KIFC2: variants seen among roughly 807,000 people sequenced by gnomAD.
The protein encoded by KIFC2 is kinesin-like protein KIFC2.
KIFC2 carries 94 observed loss-of-function variants against 91.5 expected under a neutral mutation model. That is an observed-to-expected ratio of 1.03 (90% CI 0.87 to 1.22). The LOEUF (loss-of-function observed/expected upper bound fraction) is 1.22, where lower values mean the gene tolerates loss of function less well. Ranked by LOEUF, KIFC2 falls within the 50% of genes most tolerant of loss-of-function variation. KIFC2 has a pLI of 0.00. For missense variants in KIFC2, 1,357 were observed against 1,103.3 expected (o/e 1.23, Z -3.26); for synonymous variants, 729 against 503.9 (o/e 1.45, Z -5.98).
chr8:144,474,165 G>A lies in KIFC2; in HGVS notation c.*776G>A, dbSNP rs980308408. The A allele has an allele frequency of 8.2e-6, 10 of 1,220,856 alleles. No homozygotes were observed. Among genetic ancestry groups the A allele is most frequent in the African/African-American group, 3.0e-5 (2 of 65,830 alleles). The allele number at this position is 1,220,856 out of a possible 1,614,324, so 75.6% of individuals were successfully genotyped here. A position where few individuals can be genotyped will look rare whatever the true frequency, so the allele number is the denominator to read the frequency against. On this transcript the variant is annotated 3_prime_UTR_variant, in exon 18 of 18. Coordinates refer to ENST00000645548, the MANE Select transcript of KIFC2 (RefSeq NM_001369769.2). Reference sequence around the variant, plus strand: ...GAGGCTGCTGTGGTCGCAGACAGCCGCCTCGCCTTGGCTCCCTGTCAACAA... The same window carrying A: ...GAGGCTGCTGTGGTCGCAGACAGCCACCTCGCCTTGGCTCCCTGTCAACAA...
intron 10 of KIFC2, 56 bp from the exon 11 acceptor site, chr8:144,469,215 C>T (rs530519324): frequency 1.4e-6 from 2 of 1,416,800 alleles, no homozygotes; most frequent in African/African-American, 1.4e-5. Flanking sequence ...TCCCACCCCC[C>T]ACCTCCGCAG....
Position 144,468,289 on chromosome 8 carries a change from G to A in KIFC2, c.811-40G>A, listed in dbSNP as rs116626602. The A allele has an allele frequency of 9.6e-4, 1,476 of 1,541,686 alleles. 8 individuals are homozygous for A. In the African/African-American group the frequency reaches 0.016, roughly 17 times the overall value. ...CATCTGTGAAATGGTACCACAGACC[G>A]TCCCTCTCTGAGTCCCTCCTGGCCC... On this transcript the variant is annotated intron_variant, in intron 7 of 17. Transcript: ENST00000645548.
rs773176205 is a variant in KIFC2 at position 144,473,338 on chromosome 8, C to T, written c.2325C>T (p.Pro775=). The change falls in exon 18 of 18, where the codon CCC becomes CCT. Residue 775 remains proline, a synonymous_variant. Transcript: ENST00000645548. ...CTGGCAGTCCTCCATGCCCCAGTCC[C>T]GACAACGGCTCGGGCTCGGCTCTCG... The part of the protein sequence containing the change: ...PSPGSPPCPS[P]DNGSGSALAP... 87 of 1,597,624 alleles carry T rather than the reference C, an allele frequency of 5.4e-5. No individual in the cohort carries two copies. Among genetic ancestry groups the T allele is most frequent in the Non-Finnish European group, 6.8e-5 (80 of 1,173,954 alleles).
At chr8:144,468,688 G>GGCT in intron 9 of KIFC2, 37 bp from the exon 10 acceptor site, 2 of 1,612,508 alleles carry the variant, frequency 1.2e-6, no homozygotes, top group Non-Finnish European at 1.7e-6. Flanking sequence ...AGGCCCTGGA[G>GGCT]GCTGGGCCTT....
chr8:144,467,712 A>G lies in KIFC2; in HGVS notation c.616-2A>G, dbSNP rs573409958. 14 of 1,613,780 alleles carry G rather than the reference A, an allele frequency of 8.7e-6. No homozygotes were observed. The South Asian group carries it at 1.3e-4, about 15-fold the overall frequency. On this transcript the variant is annotated splice_acceptor_variant, in intron 5 of 17. Coordinates refer to ENST00000645548, the MANE Select transcript of KIFC2 (RefSeq NM_001369769.2). LOFTEE classifies it high-confidence loss of function. ...CACCCTGTCTCTCTTACTTCTCCCC[A>G]GCTGGAGGAGCTGAAGCAGCAGCTG...
Position 144,472,712 on chromosome 8 carries a change from A to G in KIFC2, c.1861+6A>G. 1.3e-6 allele frequency: 2 copies of G among 1,593,408 alleles called. No individual in the cohort carries two copies. The highest frequency in any genetic ancestry group is 1.1e-5 in the South Asian group (1 of 90,768). On this transcript the variant is annotated splice_donor_region_variant and intron_variant, in intron 16 of 17. Transcript: ENST00000645548. ...GCGCGCTCCAGGCACCGCAGGTACC[A>G]CGGCCGGTGCCTGAGCCCTGCGGAG...
At position 144,467,033 on chromosome 8, in the gene KIFC2, C is replaced by T. The variant is rs771696200; in HGVS notation, c.253C>T (p.Leu85=). 5.0e-6 allele frequency: 8 copies of T among 1,594,530 alleles called. No homozygotes were observed. The Admixed American group carries it at 5.2e-5, about 10-fold the overall frequency. Residue 85 remains leucine (L), a synonymous_variant, in exon 3 of 18, where the codon CTA becomes TTA. Coordinates refer to ENST00000645548, the MANE Select transcript of KIFC2 (RefSeq NM_001369769.2). ...GGCCGCGGTGTCCCTGGAAGAGGCC[C>T]TACTGCGCCTCGCCGAGTTCCTCTC... ...RAAAVSLEEA[L]LRLAEFLSVQ...
chr8:144,467,375 T>G, intron 4 of KIFC2, 34 bp downstream of exon 4: 2 of 1,567,232 alleles, frequency 1.3e-6, no homozygotes, highest in East Asian at 2.2e-5. Flanking sequence ...AGAAGAACTC[T>G]GGAGGGAGCA....
chr8:144,468,708 C>A lies in KIFC2; in HGVS notation c.1004-17C>A. On this transcript the variant is annotated splice_polypyrimidine_tract_variant and intron_variant, in intron 9 of 17. Transcript: ENST00000645548. Reference sequence around the variant, plus strand: ...CTGGAGGCTGGGCCTTCCCTTCCAACAGACTTCCCTCTCCAGGACTTCGGG... The same window carrying A: ...CTGGAGGCTGGGCCTTCCCTTCCAAAAGACTTCCCTCTCCAGGACTTCGGG... 1 of 1,613,878 alleles carries A rather than the reference C, an allele frequency of 6.2e-7. No homozygotes were observed. Among genetic ancestry groups the A allele is most frequent in the Non-Finnish European group, 8.5e-7 (1 of 1,179,866 alleles).
In KIFC2 at chr8:144,473,450, G is replaced by T. The variant is rs1264739869; in HGVS notation, c.*61G>T. 4 of 1,515,822 alleles carry T rather than the reference G, an allele frequency of 2.6e-6. No homozygotes were observed. The highest frequency in any genetic ancestry group is 2.0e-5 in the Admixed American group (1 of 48,972). The allele number at this position is 1,515,822 out of a possible 1,614,324, so 93.9% of individuals were successfully genotyped here. A position where few individuals can be genotyped will look rare whatever the true frequency, so the allele number is the denominator to read the frequency against. The stretch of plus-strand genomic sequence containing the variant: ...CAGGTCTCTGCTGGCAGAGGCGGTA[G>T]TAAAGTCCCTGTACCCCGTCTCCCA... On this transcript the variant is annotated 3_prime_UTR_variant, in exon 18 of 18. Coordinates refer to ENST00000645548, the MANE Select transcript of KIFC2 (RefSeq NM_001369769.2).
chr8:144,467,796 A>G lies in KIFC2; in HGVS notation c.681+17A>G, dbSNP rs745970670. 2.5e-6 allele frequency: 4 copies of G among 1,613,314 alleles called. No individual in the cohort carries two copies. The highest frequency in any genetic ancestry group is 2.7e-5 in the African/African-American group (2 of 74,894). ...CTGGGCGTGGTGAGGCTGCAGGGAG[A>G]CCTGGCAGGGCCGGGCATGGAGGGG... On this transcript the variant is annotated intron_variant, in intron 6 of 17. Transcript: ENST00000645548.
At chr8:144,468,128 G>A (rs1482482635) in intron 7 of KIFC2, 141 bp downstream of exon 7, 6 of 1,184,344 alleles carry the variant, frequency 5.1e-6, no homozygotes, top group Non-Finnish European at 6.9e-6. Flanking sequence ...TGATGCCAAT[G>A]GGAAGACCCC....
intron 4 of KIFC2, 34 bp from the exon 5 acceptor site, chr8:144,467,451 C>A: frequency 6.5e-7 from 1 of 1,540,480 alleles, no homozygotes; most frequent in Non-Finnish European, 8.7e-7. Flanking sequence ...GACTAGAGAC[C>A]TCTTCAGTGC....
In KIFC2 at chr8:144,467,490, A is replaced by G. The variant is rs1464617277; in HGVS notation, c.475A>G (p.Thr159Ala). ...RVRPPSPDGS[T>A]SQEESPSHFT... ...CTGGGCCCACCCTACTCCAGGATCC[A>G]CATCCCAAGAAGAAAGCCCTTCCCA... The change falls in exon 5 of 18, where the codon ACA becomes GCA. Residue 159 changes from threonine (T) to alanine (A), a missense_variant. Physicochemically the swap from Thr to Ala is moderately conservative, Grantham distance 58 (BLOSUM62 0). Coordinates refer to ENST00000645548, the MANE Select transcript of KIFC2 (RefSeq NM_001369769.2). 1 of 1,567,186 alleles carries G rather than the reference A, an allele frequency of 6.4e-7. No homozygotes were observed. The highest frequency in any genetic ancestry group is 2.2e-5 in the East Asian group (1 of 44,620).
chr8:144,466,611 G>A (rs1355457942), intron 1 of KIFC2, 93 bp downstream of exon 1: 1 of 854,298 alleles, frequency 1.2e-6, no homozygotes, highest in Non-Finnish European at 1.6e-6. Context: ...ACGGGGCGCG[G>A]GGCGACGGGG....
chr8:144,472,809 G>C lies in KIFC2; in HGVS notation c.1876G>C (p.Val626Leu). 1 of 1,587,812 alleles carries C rather than the reference G, an allele frequency of 6.3e-7. No homozygotes were observed. Among genetic ancestry groups the C allele is most frequent in the Non-Finnish European group, 8.5e-7 (1 of 1,175,716 alleles). ...APGTAGTLHLVDLAGSERARK... is the reference protein window; with the variant it reads ...APGTAGTLHLLDLAGSERARK... ...CGCCCCTCTAGGCACGCTGCACCTG[G>C]TGGACCTGGCGGGATCCGAACGCGC... is the stretch of plus-strand genomic sequence containing the variant. Residue 626 changes from valine to leucine, a missense_variant, in exon 17 of 18, where the codon GTG (valine) becomes CTG (leucine). Physicochemically the swap from Val to Leu is conservative, Grantham distance 32. Transcript: ENST00000645548.
At position 144,474,121 on chromosome 8, in the gene KIFC2, G is replaced by A. The variant is rs1390742252; in HGVS notation, c.*732G>A. On this transcript the variant is annotated 3_prime_UTR_variant, in exon 18 of 18. Transcript: ENST00000645548. ...AATAAACACCGTGGACTCCCAGCAA[G>A]GCTGCTGCCTGGTGTTTCGAGGCTG... 6.3e-6 allele frequency: 5 copies of A among 794,860 alleles called. No individual in the cohort carries two copies. The highest frequency in any genetic ancestry group is 1.7e-5 in the African/African-American group (1 of 57,340). The allele number at this position is 794,860 out of a possible 1,614,324, so 49.2% of individuals were successfully genotyped here.
In KIFC2 at chr8:144,470,983, A is replaced by G. The variant is rs868866731; in HGVS notation, c.1381-959A>G. Among the ~76,000 whole-genome samples the G allele has an allele frequency of 9.6e-4, 145 of 150,498 alleles. 1 individual carries two copies. The highest frequency in any genetic ancestry group is 3.5e-3 in the African/African-American group (141 of 40,816). ...GCTCTTTTTTTTTTCTTTATTTTTG[A>G]GATGGAATCCCACTCTGTTGCCCAG... On this transcript the variant is annotated intron_variant, in intron 12 of 17. Coordinates refer to ENST00000645548, the MANE Select transcript of KIFC2 (RefSeq NM_001369769.2).
chr8:144,466,337 G>T lies in KIFC2; in HGVS notation c.-83G>T. The T allele has an allele frequency of 2.4e-6, 1 of 412,614 alleles. No individual in the cohort carries two copies. The highest frequency in any genetic ancestry group is 3.6e-6 in the Non-Finnish European group (1 of 276,718). The allele number at this position is 412,614 out of a possible 1,614,324, so 25.6% of individuals were successfully genotyped here. ...GGCGGCCGTCGCGAGCATGCGCACC[G>T]GCACTGCGGCGGGCGGGCGCCGAGT... is the stretch of plus-strand genomic sequence containing the variant. On this transcript the variant is annotated 5_prime_UTR_variant, in exon 1 of 18. Transcript: ENST00000645548.
Sources: gnomAD v4.1 joint callset for allele counts (sites outside exome capture counted in the v4.1 genomes callset) on GRCh38, gnomAD v4.1.1 for gene constraint, MANE v1.5 for transcripts, NCBI Gene and HGNC (gene_info 2026-07-23, HGNC 2026-07-21) for gene names.